SMAD1: variants seen among roughly 807,000 people sequenced by gnomAD.
SMAD1 encodes the protein MAD, mothers against decapentaplegic homolog 1.
In SMAD1, 6 loss-of-function variants were observed where a neutral mutation model predicts 41.6. The ratio of observed to expected loss-of-function variants is 0.14; its 90% confidence interval spans 0.08 to 0.28. The LOEUF is 0.28. Among genes scored for constraint, SMAD1 ranks in the 10% least tolerant of loss-of-function variants. The pLI is 1.00. For synonymous variants in SMAD1, 206 were observed against 203.2 expected (o/e 1.01, Z -0.12); for missense variants, 379 against 582.6 (o/e 0.65, Z 3.60).
rs562530839 is a variant in SMAD1, at chr4:145,527,292, C to T, written c.400+12279C>T. Reference sequence around the variant, plus strand: ...AGGCTGGAGTGCAGTGGCGGGATCTCGGCTCACTGCGAGCTCCGCCTCCCG... The same window carrying T: ...AGGCTGGAGTGCAGTGGCGGGATCTTGGCTCACTGCGAGCTCCGCCTCCCG... On this transcript the variant is annotated intron_variant, in intron 2 of 6. Transcript: ENST00000302085. Among the ~76,000 whole-genome samples, 571 of 150,434 alleles carry T rather than the reference C, an allele frequency of 3.8e-3. 2 individuals carry two copies. The highest frequency in any genetic ancestry group is 0.013 in the African/African-American group (542 of 41,052).
At chr4:145,515,053 A>T in intron 2 of SMAD1, 40 bp downstream of exon 2, 1 of 1,537,854 alleles carries the variant, frequency 6.5e-7, no homozygotes, top group Non-Finnish European at 8.8e-7. Context: ...TTGTGTGCCC[A>T]GTACCAGATT....
In SMAD1 at chr4:145,519,559, C is replaced by G. The variant is rs1235518367; in HGVS notation, c.400+4546C>G. On this transcript the variant is annotated intron_variant, in intron 2 of 6. Transcript: ENST00000302085. ...AGTCCTACCTATTCAGAAGCTAAAT[C>G]AGGAGGATCACTTGAGCCTAGGAGG... is the stretch of plus-strand genomic sequence containing the variant. Among the ~76,000 whole-genome samples the G allele has an allele frequency of 2.0e-5, 3 of 150,036 alleles. No homozygotes were observed. The Admixed American group carries it at 2.0e-4, about 10-fold the overall frequency.
chr4:145,534,306 C>T (rs1731486521), intron 2 of SMAD1, among the ~76,000 whole-genome samples: 1 of 152,218 alleles, frequency 6.6e-6, no homozygotes, highest in South Asian at 2.1e-4. Context: ...TTGAACAGAC[C>T]TTCCTACATC....
chr4:145,524,790 GA>G (rs11293293), intron 2 of SMAD1, among the ~76,000 whole-genome samples: 143,515 of 145,504 alleles, frequency 0.99, 70,772 homozygotes, highest in Middle Eastern at 1. Flanking sequence ...AAAAGAAAAC[GA>G]AAAAAAAAAA....
intron 1 of SMAD1, among the ~76,000 whole-genome samples, chr4:145,492,702 A>G (rs1311240460): frequency 1.3e-5 from 2 of 152,156 alleles, no homozygotes; most frequent in African/African-American, 2.4e-5. Flanking sequence ...GAAAGTCTCA[A>G]TCCTCTAATC....
intron 2 of SMAD1, among the ~76,000 whole-genome samples, chr4:145,537,670 G>C (rs572077382): frequency 8.0e-4 from 122 of 152,034 alleles, no homozygotes; most frequent in Admixed American, 2.5e-3. Context: ...CACACACACA[G>C]CATTGGATGA....
chr4:145,553,376 TGGGAAA>T (rs948634458), intron 5 of SMAD1, among the ~76,000 whole-genome samples: 1 of 152,074 alleles, frequency 6.6e-6, no homozygotes, highest in Non-Finnish European at 1.5e-5. Context: ...CCACAGGGGA[TGGGAAA>T]GGGATAGTTT....
At chr4:145,528,051 T>G (rs1731121536) in intron 2 of SMAD1, among the ~76,000 whole-genome samples, 1 of 148,580 alleles carries the variant, frequency 6.7e-6, no homozygotes, top group African/African-American at 2.6e-5. Context: ...CGGCTAATTT[T>G]TTTGTTTGTA....
intron 1 of SMAD1, among the ~76,000 whole-genome samples, chr4:145,505,038 G>A (rs576022568): frequency 6.6e-6 from 1 of 152,292 alleles, no homozygotes; most frequent in East Asian, 1.9e-4. Flanking sequence ...ATAAGTGTCA[G>A]GAATTTTTCA....
intron 2 of SMAD1, among the ~76,000 whole-genome samples, chr4:145,529,695 A>C (rs1731220374): frequency 6.6e-6 from 1 of 152,224 alleles, no homozygotes; most frequent in Non-Finnish European, 1.5e-5. Flanking sequence ...AATACTGTGT[A>C]GAGTTTTTTG....
intron 1 of SMAD1, among the ~76,000 whole-genome samples, chr4:145,503,213 T>C (rs1729560912): frequency 6.6e-6 from 1 of 152,146 alleles, no homozygotes. Flanking sequence ...CTCAGTAAGA[T>C]GGAACTTTAC....
intron 2 of SMAD1, among the ~76,000 whole-genome samples, chr4:145,522,753 C>T (rs1048195395): frequency 2.0e-5 from 3 of 151,994 alleles, no homozygotes; most frequent in Admixed American, 1.3e-4. Context: ...GATCTCAGCT[C>T]ACTGCAACCT....
At chr4:145,508,157 A>G (rs1281104472) in intron 1 of SMAD1, among the ~76,000 whole-genome samples, 1 of 151,280 alleles carries the variant, frequency 6.6e-6, no homozygotes, top group African/African-American at 2.4e-5. Context: ...TCTTTCTAAA[A>G]TGTAGATCTA....
At chr4:145,494,690 C>A (rs1383754202) in intron 1 of SMAD1, among the ~76,000 whole-genome samples, 2 of 152,184 alleles carry the variant, frequency 1.3e-5, no homozygotes, top group Admixed American at 6.5e-5. Context: ...GTTGGGCTGG[C>A]ACACAGTAGG....
intron 2 of SMAD1, among the ~76,000 whole-genome samples, chr4:145,516,444 A>G (rs1348144740): frequency 6.6e-6 from 1 of 152,128 alleles, no homozygotes; most frequent in Non-Finnish European, 1.5e-5. Flanking sequence ...CTTGAGCATA[A>G]TATTATTTAG....
intron 5 of SMAD1, among the ~76,000 whole-genome samples, chr4:145,547,883 G>A (rs547953417): frequency 2.8e-5 from 4 of 141,006 alleles, no homozygotes; most frequent in South Asian, 2.3e-4. Context: ...TTTTACTTGC[G>A]TATAGTTTCT....
chr4:145,492,642 A>G (rs944003747), intron 1 of SMAD1, among the ~76,000 whole-genome samples: 1 of 152,140 alleles, frequency 6.6e-6, no homozygotes, highest in African/African-American at 2.4e-5. Flanking sequence ...CTGGTGATCA[A>G]CTTAACCTTC....
upstream of SMAD1, chr4:145,481,326 T>A (rs1728160943): frequency 6.6e-6 from 1 of 152,110 alleles, no homozygotes; most frequent in Non-Finnish European, 1.5e-5. Flanking sequence ...TACGTACAAC[T>A]TCTGGGGCCT....
chr4:145,502,026 A>G (rs1729473483), intron 1 of SMAD1, among the ~76,000 whole-genome samples: 1 of 152,196 alleles, frequency 6.6e-6, no homozygotes, highest in African/African-American at 2.4e-5. Flanking sequence ...CACATTTAGC[A>G]TTCTTTGTAG....
Sources: allele counts gnomAD v4.1 joint callset (sites outside exome capture counted in the v4.1 genomes callset), GRCh38; gene constraint gnomAD v4.1.1; transcripts MANE v1.5; gene names NCBI Gene and HGNC (gene_info 2026-07-23, HGNC 2026-07-21).